Variants in DPF3 observed in about 807,000 individuals in gnomAD.
The protein encoded by DPF3 is zinc finger protein DPF3.
A neutral mutation model predicts 56.8 loss-of-function variants in DPF3; 18 were observed. The ratio of observed to expected loss-of-function variants is 0.32; its 90% CI spans 0.22 to 0.47. The LOEUF is 0.47. Among genes scored for constraint, DPF3 ranks in the 20% least tolerant of loss-of-function variants. DPF3 has a pLI of 1.00. For synonymous variants in DPF3, 188 were observed against 180.2 expected (o/e 1.04, Z -0.35); for missense variants, 403 against 488.8 (o/e 0.82, Z 1.65).
chr14:72,860,562 T>TTTTTCC (rs1368520398), intron 1 of DPF3, among the ~76,000 whole-genome samples: 9 of 151,778 alleles, frequency 5.9e-5, no homozygotes. Flanking sequence ...ATTCTTTTTC[T>TTTTTCC]TTTTCTTTTT....
chr14:72,670,837 A>C, intron 8 of DPF3: 8 of 1,142,562 alleles, frequency 7.0e-6, no homozygotes, highest in Non-Finnish European at 8.7e-6. Flanking sequence ...GAAAAGAGAC[A>C]ATCCGTCTAA....
intron 8 of DPF3, among the ~76,000 whole-genome samples, chr14:72,635,242 T>C (rs771605022): frequency 3.3e-5 from 5 of 152,198 alleles, no homozygotes; most frequent in African/African-American, 1.2e-4. Flanking sequence ...CAATGGGTTA[T>C]GGGAAACTTC....
intron 1 of DPF3, among the ~76,000 whole-genome samples, chr14:72,893,777 G>C (rs1459421184): frequency 6.6e-6 from 1 of 152,258 alleles, no homozygotes; most frequent in African/African-American, 2.4e-5. Context: ...GCGCTCGAGC[G>C]CCGGGCTTCT....
At chr14:72,892,706 A>G (rs1167319152) in intron 1 of DPF3, 2 of 1,011,152 alleles carry the variant, frequency 2.0e-6, no homozygotes, top group African/African-American at 1.7e-5. Flanking sequence ...AGAATTCGGC[A>G]TGAACCGCCC....
intron 5 of DPF3, among the ~76,000 whole-genome samples, chr14:72,715,127 G>T (rs745807291): frequency 2.7e-4 from 41 of 152,186 alleles, no homozygotes; most frequent in Non-Finnish European, 5.3e-4. Flanking sequence ...AGTAGGGGTG[G>T]GCTTTGGCTA....
chr14:72,873,465 AC>A (rs1885983293), intron 1 of DPF3, among the ~76,000 whole-genome samples: 1 of 152,246 alleles, frequency 6.6e-6, no homozygotes, highest in Non-Finnish European at 1.5e-5. Context: ...ACATTTTCTC[AC>A]TGTTGGTGGG....
intron 1 of DPF3, among the ~76,000 whole-genome samples, chr14:72,840,744 A>C (rs1241360529): frequency 6.6e-6 from 1 of 152,176 alleles, no homozygotes; most frequent in Non-Finnish European, 1.5e-5. Flanking sequence ...CTCAGTTTCA[A>C]CTTTTGGCCA....
At chr14:72,830,037 T>C (rs1337075624) in intron 1 of DPF3, among the ~76,000 whole-genome samples, 1 of 152,214 alleles carries the variant, frequency 6.6e-6, no homozygotes, top group East Asian at 1.9e-4. Flanking sequence ...TGAGCCACCA[T>C]GCCCAGCCAC....
intron 1 of DPF3, among the ~76,000 whole-genome samples, chr14:72,862,125 C>G (rs1006302099): frequency 6.6e-6 from 1 of 152,154 alleles, no homozygotes; most frequent in Non-Finnish European, 1.5e-5. Flanking sequence ...CAGTGGCACA[C>G]GACCTGAGTT....
At position 72,815,873 on chromosome 14, in the gene DPF3, A is replaced by G. The variant is rs368392860; in HGVS notation, c.33-43980T>C. On this transcript the variant is annotated intron_variant, in intron 1 of 10. Transcript: ENST00000556509. Reference sequence around the variant, plus strand: ...CTTGACCCATGGCCCCTTCCTCCAAAGCCAGTTGTGTTGCATCTTCTATCT... The same window carrying G: ...CTTGACCCATGGCCCCTTCCTCCAAGGCCAGTTGTGTTGCATCTTCTATCT... Among the ~76,000 whole-genome samples, 16 of 152,290 alleles carry G rather than the reference A, an allele frequency of 1.1e-4. No individual in the cohort carries two copies. In the South Asian group the frequency reaches 3.3e-3, roughly 32 times the overall value.
rs963035646 is a variant in DPF3 at position 72,616,729 on chromosome 14, T to G, written c.*2568A>C. On this transcript the variant is annotated 3_prime_UTR_variant, in exon 11 of 11. Transcript: ENST00000556509. ...TCCATGGCAGAGGCAACACAAAAAC[T>G]CTGATCCTTCACATGCATCCTATGA... is the stretch of plus-strand genomic sequence containing the variant. Among the ~76,000 whole-genome samples the G allele has an allele frequency of 1.3e-5, 2 of 152,144 alleles. No homozygotes were observed. Among genetic ancestry groups the G allele is most frequent in the African/African-American group, 4.8e-5 (2 of 41,420 alleles).
At chr14:72,886,967 T>C (rs1886570824) in intron 1 of DPF3, among the ~76,000 whole-genome samples, 1 of 152,042 alleles carries the variant, frequency 6.6e-6, no homozygotes, top group African/African-American at 2.4e-5. Flanking sequence ...TCAGTACAGG[T>C]CCACTTACTT....
intron 2 of DPF3, among the ~76,000 whole-genome samples, chr14:72,763,325 A>T (rs538831317): frequency 9.9e-5 from 15 of 152,234 alleles, no homozygotes; most frequent in Admixed American, 9.8e-4. Flanking sequence ...ACAAATTTAG[A>T]GGGCTAACAC....
rs192141791 is a variant in DPF3 at position 72,659,902 on chromosome 14, C to T, written c.871+14338G>A. 1.1e-3 allele frequency among the ~76,000 whole-genome samples: 174 copies of T among 152,220 alleles called. 1 individual carries two copies. The highest frequency in any genetic ancestry group is 3.6e-3 in the African/African-American group (148 of 41,510). On this transcript the variant is annotated intron_variant, in intron 8 of 10. Transcript: ENST00000556509. ...AAGTAGGGAAAGTTTGACACATCTA[C>T]GTAAATAATCCTTGAAGATATTACA...
intron 1 of DPF3, among the ~76,000 whole-genome samples, chr14:72,831,682 C>G (rs938293354): frequency 6.6e-6 from 1 of 152,224 alleles, no homozygotes; most frequent in African/African-American, 2.4e-5. Flanking sequence ...AGTTTTGGCA[C>G]TGGGTTTTGC....
chr14:72,798,531 G>A (rs981597441), intron 1 of DPF3, among the ~76,000 whole-genome samples: 4 of 152,220 alleles, frequency 2.6e-5, no homozygotes, highest in Non-Finnish European at 4.4e-5. Flanking sequence ...TTCTGGCACT[G>A]AGGATTACAT....
chr14:72,875,970 G>T (rs1355341614), intron 1 of DPF3, among the ~76,000 whole-genome samples: 1 of 152,186 alleles, frequency 6.6e-6, no homozygotes, highest in African/African-American at 2.4e-5. Flanking sequence ...AGCTACACAG[G>T]TTGGCATTTA....
Position 72,756,928 on chromosome 14 carries a change from A to AAGAAAGAAAGAAGAGAAGAGAAG in DPF3, c.194-3558_194-3557insCTTCTCTTCTCTTCTTTCTTTCT, listed in dbSNP as rs1428028523. Among the ~76,000 whole-genome samples, 460 of 139,162 alleles carry AAGAAAGAAAGAAGAGAAGAGAAG rather than the reference A, an allele frequency of 3.3e-3. 9 individuals are homozygous for AAGAAAGAAAGAAGAGAAGAGAAG. Among genetic ancestry groups the AAGAAAGAAAGAAGAGAAGAGAAG allele is most frequent in the African/African-American group, 0.013 (433 of 32,338 alleles). The allele number at this position is 139,162 out of a possible 152,430, so 91.3% of individuals were successfully genotyped here. A position where few individuals can be genotyped will look rare whatever the true frequency, so the allele number is the denominator to read the frequency against. On this transcript the variant is annotated intron_variant, in intron 2 of 10. Transcript: ENST00000556509. ...AAAAAAAGAAAGAAAGAAAGAAAGA[A>AAGAAAGAAAGAAGAGAAGAGAAG]AGAAGAGAAGAGAAGAGAAAGGGAG...
chr14:72,883,863 G>T (rs1455406122), intron 1 of DPF3, among the ~76,000 whole-genome samples: 1 of 148,208 alleles, frequency 6.7e-6, no homozygotes, highest in Non-Finnish European at 1.5e-5. Context: ...GGAGGCAGAG[G>T]TTGCAGTGAG....
Sources: gnomAD v4.1 joint callset for allele counts (sites outside exome capture counted in the v4.1 genomes callset) on GRCh38, gnomAD v4.1.1 for gene constraint, MANE v1.5 for transcripts, NCBI Gene and HGNC (gene_info 2026-07-23, HGNC 2026-07-21) for gene names.